Variants in MED12 observed in about 807,000 individuals in gnomAD.
The protein encoded by MED12 is mediator of RNA polymerase II transcription subunit 12.
A neutral mutation model predicts 177.7 loss-of-function variants in MED12; 10 were observed. The ratio of observed to expected loss-of-function variants is 0.06; its 90% CI spans 0.03 to 0.10. The LOEUF is 0.10. MED12 is among the 10% of genes least tolerant of loss of function. The probability of loss-of-function intolerance (pLI) is 1.00; values close to 1 mark genes in which losing one functional copy is unlikely to be tolerated. For synonymous variants in MED12, 641 were observed against 678.4 expected, an observed-to-expected ratio of 0.94 and a Z score of 0.86; for missense variants, 867 against 1,780.8, an observed-to-expected ratio of 0.49 and a Z score of 9.23.
chrX:71,127,103 C>T lies in MED12; in HGVS notation c.2820C>T (p.Asn940=), dbSNP rs754167644. 2.5e-6 allele frequency: 3 copies of T among 1,211,402 alleles called. No homozygotes were observed. The change falls in exon 20 of 45, where the codon AAC becomes AAT. Residue 940 remains asparagine, a synonymous_variant. Coordinates refer to ENST00000374080, the MANE Select transcript of MED12 (RefSeq NM_005120.3). ...ACTATCATGCCTGCCTCATCCTCAA[C>T]CAGGACCAGATGGCACAGGTCTTTG... ...LRHYHACLIL[N]QDQMAQVFEG... is the part of the protein sequence containing the mutation.
rs766406937 is a variant in MED12, at chrX:71,135,098, T to C, written c.4870T>C (p.Leu1624=). ...CATCTTCCTGTGCCTGCAGAAGGAG[T>C]TGGGGGAGCGCCAGTCAGACAGTCT... ...MNLAKKLQKE[L]GERQSDSLEK... The change falls in exon 36 of 45, where the codon TTG becomes CTG. Residue 1624 remains leucine (L), a synonymous_variant. Coordinates refer to ENST00000374080, the MANE Select transcript of MED12 (RefSeq NM_005120.3). The C allele has an allele frequency of 8.3e-7, 1 of 1,211,032 alleles. No individual in the cohort carries two copies. Among genetic ancestry groups the C allele is most frequent in the East Asian group, 3.0e-5 (1 of 33,816 alleles).
At chrX:71,141,708 C>G (rs770617655) in intron 43 of MED12, among the ~76,000 whole-genome samples, 175 bp from the exon 44 acceptor site, 15 of 110,402 alleles carry the variant, frequency 1.4e-4, no homozygotes, top group African/African-American at 4.6e-4. Context: ...GAGGCTGAGG[C>G]AGAGAATTGC....
At chrX:71,125,799 G>A in intron 17 of MED12, 86 bp downstream of exon 17, 3 of 865,506 alleles carry the variant, frequency 3.5e-6, no homozygotes, top group Non-Finnish European at 5.1e-6. Flanking sequence ...ATTCCTTTAA[G>A]GTCCACATAG....
At chrX:71,125,788 T>G in intron 17 of MED12, 75 bp downstream of exon 17, 1 of 893,177 alleles carries the variant, frequency 1.1e-6, no homozygotes, top group Non-Finnish European at 1.6e-6. Flanking sequence ...TCCCTGTACA[T>G]ATTCCTTTAA....
chrX:71,130,348 T>G, intron 28 of MED12, 134 bp downstream of exon 28: 315 of 601,030 alleles, frequency 5.2e-4, no homozygotes, highest in Middle Eastern at 1.1e-3. Context: ...AGGGGAGAGG[T>G]AGCGAGAGAA....
At position 71,131,740 on chromosome X, in the gene MED12, A is replaced by AG. The variant is rs2092317976; in HGVS notation, c.4119+123dup. The AG allele has an allele frequency of 6.6e-5, 47 of 706,934 alleles. No individual in the cohort carries two copies. The South Asian group carries it at 1.0e-3, about 15-fold the overall frequency. The allele number at this position is 706,934 out of a possible 1,213,427, so 58.3% of individuals were successfully genotyped here. On this transcript the variant is annotated intron_variant, in intron 29 of 44. Coordinates refer to ENST00000374080, the MANE Select transcript of MED12 (RefSeq NM_005120.3). ...TTGGGCTCTTGAGCTGAGAGATAAG[A>AG]GGGGATGGGAAAATGGTGAACAAGT...
rs370564821 is a variant in MED12 at position 71,133,008 on chromosome X, C to T, written c.4527+52C>T. 17 of 1,060,004 alleles carry T rather than the reference C, an allele frequency of 1.6e-5. No homozygotes were observed. The Admixed American group carries it at 4.1e-4, about 26-fold the overall frequency. The allele number at this position is 1,060,004 out of a possible 1,213,427, so 87.4% of individuals were successfully genotyped here. ...GGCAGGAGGTCAGGGAAGGATGCAC[C>T]TAAGGGGTTACTCTGTACTTGGAAA... is the stretch of plus-strand genomic sequence containing the variant. On this transcript the variant is annotated intron_variant, in intron 32 of 44. Transcript: ENST00000374080.
chrX:71,131,594 G>A lies in MED12; in HGVS notation c.4092G>A (p.Gln1364=), dbSNP rs756882570. 2.5e-6 allele frequency: 3 copies of A among 1,211,267 alleles called. No homozygotes were observed. The highest frequency in any genetic ancestry group is 3.4e-6 in the Non-Finnish European group (3 of 895,390). The part of the protein sequence containing the change: ...WTMRQSSLEL[Q]LMIKQTPNNE... ...TGCGCCAGTCTTCCTTGGAGCTGCAGCTCATGATCAAGCAGACCCCTAACA... is the reference window on the plus strand; with the variant it reads ...TGCGCCAGTCTTCCTTGGAGCTGCAACTCATGATCAAGCAGACCCCTAACA... Residue 1364 remains glutamine (Q), a synonymous_variant, in exon 29 of 45, where the codon CAG becomes CAA. Transcript: ENST00000374080.
At chrX:71,123,069 C>T (rs772815186) in intron 10 of MED12, 26 bp from the exon 11 acceptor site, 6 of 1,208,424 alleles carry the variant, frequency 5.0e-6, no homozygotes, top group Non-Finnish European at 6.7e-6. Context: ...CTACCTTACT[C>T]CTCCTTCTCT....
rs1423751717 is a variant in MED12 at position 71,134,376 on chromosome X, C to T, written c.4637C>T (p.Thr1546Met). 6 of 1,156,172 alleles carry T rather than the reference C, an allele frequency of 5.2e-6. No individual in the cohort carries two copies. The highest frequency in any genetic ancestry group is 5.8e-6 in the Non-Finnish European group (5 of 861,468). ...RLNLVGGMFD[T>M]VQRSTQQTTE... is the part of the protein sequence containing the mutation. ...TGGCAGGTGGGGGGCATGTTTGACA[C>T]GGTGCAGCGCAGCACCCAGCAGACC... The change falls in exon 34 of 45, where the codon ACG becomes ATG. Residue 1546 changes from threonine to methionine, a missense_variant. This residue lies in a region of MED12 where 34 missense variants were observed against 58.9 expected (regional missense o/e 0.58). Transcript: ENST00000374080.
chrX:71,138,133 A>G (rs757068918), intron 41 of MED12, among the ~76,000 whole-genome samples, 190 bp downstream of exon 41: 13 of 111,518 alleles, frequency 1.2e-4, no homozygotes, highest in African/African-American at 4.2e-4. Context: ...CAATAGTTTC[A>G]TGACTACTTC....
rs863223709 is a variant in MED12 at position 71,123,636 on chromosome X, G to A, written c.1660G>A (p.Ala554Thr). ...AGCCGCAGATGAGAAGGGTTCCATC[G>A]CCTCTGGCTCCCTTTCTGCTCCCAG... ...SEAADEKGSI[A>T]SGSLSAPSAP... The change falls in exon 12 of 45, where the codon GCC (alanine) becomes ACC (threonine). Residue 554 changes from alanine (A) to threonine (T), a missense_variant. Around this residue, in one of 14 missense-constraint regions of MED12, gnomAD observed 309 missense variants for 556.3 expected, o/e 0.56. Transcript: ENST00000374080. 8.3e-7 allele frequency: 1 copy of A among 1,209,661 alleles called. No individual in the cohort carries two copies. The highest frequency in any genetic ancestry group is 1.1e-6 in the Non-Finnish European group (1 of 894,018).
rs1228685555 is a variant in MED12, at chrX:71,128,060, G to A, written c.3149G>A (p.Arg1050His). The A allele has an allele frequency of 8.3e-7, 1 of 1,211,461 alleles. No individual in the cohort carries two copies. Among genetic ancestry groups the A allele is most frequent in the African/African-American group, 1.7e-5 (1 of 57,719 alleles). ...GKSLSENPANRYSFVCNALMH... is the reference protein window; with the variant it reads ...GKSLSENPANHYSFVCNALMH... ...AGTCTTAGTGAGAACCCTGCTAACC[G>A]CTACAGCTTTGTCTGCAATGCCCTT... The change falls in exon 22 of 45, where the codon CGC becomes CAC. Residue 1050 changes from arginine to histidine, a missense_variant. By Grantham distance (29) the Arg-to-His change is conservative. Transcript: ENST00000374080.
At position 71,132,820 on chromosome X, in the gene MED12, C is replaced by CTTCTCTTCTA. The variant is rs1400460988; in HGVS notation, c.4416-16_4416-15insATTCTCTTCT. 4 of 970,348 alleles carry CTTCTCTTCTA rather than the reference C, an allele frequency of 4.1e-6. No homozygotes were observed. The African/African-American group carries it at 8.8e-5, about 21-fold the overall frequency. The allele number at this position is 970,348 out of a possible 1,213,427, so 80.0% of individuals were successfully genotyped here. On this transcript the variant is annotated intron_variant, in intron 31 of 44. Transcript: ENST00000374080. ...CTTCTCTTCTCTTCTCTTCTCTTCT[C>CTTCTCTTCTA]TTCTCTTCTTTCTCTTGTCTCTAGC...
chrX:71,140,080 C>CTT lies in MED12; in HGVS notation c.6045-539_6045-538dup, dbSNP rs746271800. Among the ~76,000 whole-genome samples the CTT allele has an allele frequency of 6.3e-3, 556 of 88,603 alleles. 9 individuals carry two copies. Among genetic ancestry groups the CTT allele is most frequent in the African/African-American group, 0.016 (400 of 24,487 alleles). 76.9% of individuals were successfully genotyped at this position (88,603 alleles called of 115,157 possible). On this transcript the variant is annotated intron_variant, in intron 41 of 44. Transcript: ENST00000374080. ...ACTATTTTTTTCTTTTCTTTTCTTTCTTTTTTTTTTTTTTTTTGAGATGGA... is the reference window on the plus strand; with the variant it reads ...ACTATTTTTTTCTTTTCTTTTCTTTCTTTTTTTTTTTTTTTTTTTGAGATGGA...
At position 71,122,504 on chromosome X, in the gene MED12, G is replaced by T. The variant is rs1272068008; in HGVS notation, c.1249-4G>T. On this transcript the variant is annotated splice_region_variant and splice_polypyrimidine_tract_variant and intron_variant, in intron 8 of 44. Transcript: ENST00000374080. The stretch of plus-strand genomic sequence containing the variant: ...CCTTGTAGCCTTCCTTTTTAACATT[G>T]CAGGTCCGTGCAAAGTTGCGGGAGA... 8.3e-7 allele frequency: 1 copy of T among 1,209,520 alleles called. No homozygotes were observed. Among genetic ancestry groups the T allele is most frequent in the African/African-American group, 1.7e-5 (1 of 57,721 alleles).
In MED12 at chrX:71,129,792, C is replaced by G; in HGVS notation, c.3804C>G (p.Ile1268Met). ...GTCGGAGGCAGGGTGGCCGCAACATCTCTGTGGAGACAGCCAGTCTGGATG... is the reference window on the plus strand; with the variant it reads ...GTCGGAGGCAGGGTGGCCGCAACATGTCTGTGGAGACAGCCAGTCTGGATG... Reference protein sequence around the residue: ...SGGRRQGGRNISVETASLDVY... With the variant: ...SGGRRQGGRNMSVETASLDVY... Residue 1268 changes from isoleucine (I) to methionine (M), a missense_variant, in exon 27 of 45, where the codon ATC becomes ATG. Coordinates refer to ENST00000374080, the MANE Select transcript of MED12 (RefSeq NM_005120.3). 8.3e-7 allele frequency: 1 copy of G among 1,211,458 alleles called. No homozygotes were observed. The highest frequency in any genetic ancestry group is 2.2e-5 in the Admixed American group (1 of 46,079).
At position 71,135,274 on chromosome X, in the gene MED12, G is replaced by A. The variant is rs1188159619; in HGVS notation, c.5025+21G>A. 21 of 1,209,730 alleles carry A rather than the reference G, an allele frequency of 1.7e-5. 1 individual carries two copies. The highest frequency in any genetic ancestry group is 1.6e-4 in the South Asian group (9 of 56,845). On this transcript the variant is annotated intron_variant, in intron 36 of 44. Transcript: ENST00000374080. ...AGGAGGCATGTTCCATTGTCTGCCC[G>A]TGTCCCTTGCCTTTTTTCCCCTTTG...
In MED12 at chrX:71,126,084, C is replaced by T. The variant is rs761085895; in HGVS notation, c.2471C>T (p.Pro824Leu). The change falls in exon 18 of 45, where the codon CCC becomes CTC. Residue 824 changes from proline (P) to leucine (L), a missense_variant. Pro to Leu is a moderately conservative substitution (Grantham distance 98). Coordinates refer to ENST00000374080, the MANE Select transcript of MED12 (RefSeq NM_005120.3). ...KRRRNRPEAF[P>L]TAEDIFAKFQ... ...CGACGCAACCGGCCTGAAGCCTTCC[C>T]CACTGCTGAAGATATCTTTGCTAAG... The T allele has an allele frequency of 8.3e-7, 1 of 1,209,450 alleles. No individual in the cohort carries two copies. The highest frequency in any genetic ancestry group is 1.8e-5 in the South Asian group (1 of 56,793).
Sources: allele counts gnomAD v4.1 joint callset (sites outside exome capture counted in the v4.1 genomes callset), GRCh38; gene constraint gnomAD v4.1.1; regional missense constraint gnomAD v4.1.1; transcripts MANE v1.5; gene names NCBI Gene and HGNC (gene_info 2026-07-23, HGNC 2026-07-21).